Variants in SRPK1 observed in about 807,000 individuals in gnomAD.
SRPK1 encodes SFRS protein kinase 1.
SRPK1 carries 52 observed loss-of-function variants against 89.5 expected under a neutral mutation model. That is an observed-to-expected ratio of 0.58 (90% CI 0.46 to 0.73). The LOEUF (loss-of-function observed/expected upper bound fraction) is 0.73, where lower values mean the gene tolerates loss of function less well. Ranked by LOEUF, SRPK1 falls within the 30% of genes least tolerant of loss-of-function variation. The pLI is 0.00. For missense variants in SRPK1, 603 were observed against 780.6 expected, an observed-to-expected ratio of 0.77 and a Z score of 2.71; for synonymous variants, 255 against 270.2, an observed-to-expected ratio of 0.94 and a Z score of 0.55.
At chr6:35,881,006 C>A (rs879203111) in intron 6 of SRPK1, among the ~76,000 whole-genome samples, 1 of 151,990 alleles carries the variant, frequency 6.6e-6, no homozygotes, top group East Asian at 1.9e-4. Context: ...AGTTTCTCAT[C>A]AAAAATTTTT....
intron 2 of SRPK1, among the ~76,000 whole-genome samples, chr6:35,914,117 A>T (rs1468752140): frequency 6.6e-6 from 1 of 151,710 alleles, no homozygotes; most frequent in Non-Finnish European, 1.5e-5. Flanking sequence ...CTGGGATTAC[A>T]GGCATGCACC....
chr6:35,917,165 A>C (rs776504247), intron 2 of SRPK1, among the ~76,000 whole-genome samples: 3 of 152,224 alleles, frequency 2.0e-5, no homozygotes, highest in Non-Finnish European at 4.4e-5. Flanking sequence ...CACTGAAAAC[A>C]AATGTTCAGA....
intron 12 of SRPK1, among the ~76,000 whole-genome samples, chr6:35,859,348 T>C (rs1409286283): frequency 6.6e-6 from 1 of 152,172 alleles, no homozygotes; most frequent in African/African-American, 2.4e-5. Flanking sequence ...AAAGCTTATA[T>C]AACTGTCTCC....
At chr6:35,835,567 T>G in intron 15 of SRPK1, 79 bp from the exon 16 acceptor site, 1 of 1,331,820 alleles carries the variant, frequency 7.5e-7, no homozygotes, top group East Asian at 2.5e-5. Context: ...ACCCACAAAC[T>G]AACCCATGTA....
chr6:35,874,194 T>C (rs1337023842), intron 7 of SRPK1, 39 bp downstream of exon 7: 4 of 1,439,272 alleles, frequency 2.8e-6, no homozygotes, highest in East Asian at 4.6e-5. Context: ...AATCACTACA[T>C]AGTCAAGACT....
At chr6:35,859,572 C>T (rs895477852) in intron 12 of SRPK1, among the ~76,000 whole-genome samples, 1 of 152,062 alleles carries the variant, frequency 6.6e-6, no homozygotes, top group Non-Finnish European at 1.5e-5. Context: ...ATATTGTTTT[C>T]GATCCTTGTT....
chr6:35,870,758 A>G (rs1210123248), intron 9 of SRPK1, among the ~76,000 whole-genome samples, 176 bp downstream of exon 9: 2 of 152,194 alleles, frequency 1.3e-5, no homozygotes. Context: ...TAGAGGCCTC[A>G]CCAGTACAAA....
intron 2 of SRPK1, chr6:35,920,223 G>T (rs577114119): frequency 1.7e-5 from 10 of 604,316 alleles, no homozygotes; most frequent in African/African-American, 3.7e-5. Context: ...GTACCGGGCG[G>T]GCTCTGGTCC....
intron 2 of SRPK1, among the ~76,000 whole-genome samples, chr6:35,902,422 T>TA (rs1278344757): frequency 6.7e-6 from 1 of 148,846 alleles, no homozygotes; most frequent in Non-Finnish European, 1.5e-5. Flanking sequence ...TTCTAAAAAA[T>TA]AAAAAATAAT....
intron 2 of SRPK1, among the ~76,000 whole-genome samples, chr6:35,906,867 T>G (rs1770857631): frequency 6.6e-6 from 1 of 152,112 alleles, no homozygotes; most frequent in South Asian, 2.1e-4. Context: ...AAACCACAAA[T>G]ACGTTCAAAT....
chr6:35,853,608 T>C (rs1462285848), intron 13 of SRPK1, among the ~76,000 whole-genome samples: 3 of 152,124 alleles, frequency 2.0e-5, no homozygotes, highest in South Asian at 4.1e-4. Flanking sequence ...TCACCCCATG[T>C]CCTAAATATG....
intron 7 of SRPK1, 110 bp from the exon 8 acceptor site, chr6:35,872,838 C>A: frequency 1.9e-6 from 2 of 1,029,870 alleles, no homozygotes; most frequent in Non-Finnish European, 1.3e-6. Flanking sequence ...ATAGCGTTTT[C>A]TATAGAGAAT....
At chr6:35,876,627 G>A (rs1770162294) in intron 6 of SRPK1, among the ~76,000 whole-genome samples, 1 of 152,154 alleles carries the variant, frequency 6.6e-6, no homozygotes. Flanking sequence ...GAGTGACACA[G>A]TGACACCCCG....
At chr6:35,855,602 A>G (rs1361253426) in intron 13 of SRPK1, among the ~76,000 whole-genome samples, 1 of 152,176 alleles carries the variant, frequency 6.6e-6, no homozygotes, top group East Asian at 1.9e-4. Context: ...ATAATGAAGA[A>G]ATTGATCTAT....
intron 3 of SRPK1, 30 bp downstream of exon 3, chr6:35,890,865 G>A: frequency 6.6e-7 from 1 of 1,521,458 alleles, no homozygotes; most frequent in Non-Finnish European, 8.8e-7. Flanking sequence ...GATGGCTCAT[G>A]TCTCACTTCA....
rs190642971 is a variant in SRPK1, at chr6:35,843,705, T to C, written c.1621-1101A>G. Among the ~76,000 whole-genome samples, 991 of 152,226 alleles carry C rather than the reference T, an allele frequency of 6.5e-3. 9 individuals are homozygous for C. The highest frequency in any genetic ancestry group is 0.024 in the Middle Eastern group (7 of 294). ...ACCTCATGATCCACCCGCCTCTGCC[T>C]CCCAAAGTGCTGGGATTACAGGCGT... On this transcript the variant is annotated intron_variant, in intron 13 of 15. Coordinates refer to ENST00000373825, the MANE Select transcript of SRPK1 (RefSeq NM_003137.5).
At chr6:35,905,291 A>T (rs1770828191) in intron 2 of SRPK1, among the ~76,000 whole-genome samples, 1 of 152,178 alleles carries the variant, frequency 6.6e-6, no homozygotes, top group African/African-American at 2.4e-5. Context: ...GGAGCTAAGA[A>T]ACCTTTTCTT....
At chr6:35,871,001 C>T in intron 8 of SRPK1, 42 bp from the exon 9 acceptor site, 1 of 1,576,796 alleles carries the variant, frequency 6.3e-7, no homozygotes, top group South Asian at 1.1e-5. Flanking sequence ...TGGCATTCAT[C>T]AGGCAATATA....
intron 8 of SRPK1, 165 bp from the exon 9 acceptor site, chr6:35,871,124 C>G (rs535466586): frequency 2.5e-6 from 1 of 402,674 alleles, no homozygotes; most frequent in African/African-American, 2.0e-5. Context: ...ATATTATTAC[C>G]ATTTTTAAAG....
Sources: allele counts gnomAD v4.1 joint callset (sites outside exome capture counted in the v4.1 genomes callset), GRCh38; gene constraint gnomAD v4.1.1; transcripts MANE v1.5; gene names NCBI Gene and HGNC (gene_info 2026-07-23, HGNC 2026-07-21).